MSH6: variants seen among roughly 807,000 people sequenced by gnomAD.
MSH6 encodes the protein mutS homolog 6.
In MSH6, 85 loss-of-function variants were observed where a neutral mutation model predicts 119.1. The ratio of observed to expected loss-of-function variants is 0.71; its 90% CI spans 0.60 to 0.85. MSH6 has a LOEUF of 0.85. MSH6 is among the 40% of genes least tolerant of loss of function. The probability of loss-of-function intolerance (pLI) is 0.00; values close to 1 mark genes in which losing one functional copy is unlikely to be tolerated. For synonymous variants in MSH6, 830 were observed against 586.9 expected, an observed-to-expected ratio of 1.41 and a Z score of -5.99; for missense variants, 2,163 against 1,655.3, an observed-to-expected ratio of 1.31 and a Z score of -5.32.
rs373418713 is a variant in MSH6, at chr2:47,800,139, C to G, written c.2156C>G (p.Thr719Ser). ...CCCTTGGATTCTGACACAGTCAGCACTACAAGATCTGGTGCTATCTTCACC... is the reference window on the plus strand; with the variant it reads ...CCCTTGGATTCTGACACAGTCAGCAGTACAAGATCTGGTGCTATCTTCACC... ...YIPLDSDTVS[T>S]TRSGAIFTKA... is the part of the protein sequence containing the mutation. Residue 719 changes from threonine (T) to serine (S), a missense_variant, in exon 4 of 10, where the codon ACT becomes AGT. Transcript: ENST00000234420. 2.5e-6 allele frequency: 4 copies of G among 1,614,002 alleles called. No individual in the cohort carries two copies. Among genetic ancestry groups the G allele is most frequent in the Admixed American group, 3.3e-5 (2 of 59,988 alleles).
At chr2:47,797,889 C>A in intron 3 of MSH6, 1 of 227,010 alleles carries the variant, frequency 4.4e-6, no homozygotes, top group South Asian at 7.1e-5. Flanking sequence ...GCTAGCATTC[C>A]CTTGGATTTT....
downstream of MSH6, chr2:47,809,615 T>C (rs1407638177): frequency 6.2e-7 from 1 of 1,612,284 alleles, no homozygotes; most frequent in Non-Finnish European, 8.5e-7. Context: ...ATTGTCACAT[T>C]AACACCAGAT....
chr2:47,792,092 C>A (rs1322166172), intron 2 of MSH6, among the ~76,000 whole-genome samples: 1 of 152,112 alleles, frequency 6.6e-6, no homozygotes, highest in Non-Finnish European at 1.5e-5. Context: ...GTAATCCACC[C>A]ACCTCCCCCT....
intron 1 of MSH6, 100 bp from the exon 2 acceptor site, chr2:47,790,827 A>G: frequency 9.2e-7 from 1 of 1,083,684 alleles, no homozygotes; most frequent in East Asian, 2.4e-5. Context: ...GTGCTTCAAT[A>G]TTAATGCCAG....
Position 47,803,492 on chromosome 2 carries a change from C to A in MSH6, c.3245C>A (p.Pro1082Gln), listed in dbSNP as rs191109849. The change falls in exon 5 of 10, where the codon CCG (proline) becomes CAG (glutamine). Residue 1082 changes from proline to glutamine, a missense_variant. Physicochemically the swap from Pro to Gln is moderately conservative, Grantham distance 76 (BLOSUM62 -1). Coordinates refer to ENST00000234420, the MANE Select transcript of MSH6 (RefSeq NM_000179.3). ...GPMCRPVILL[P>Q]EDTPPFLELK... ...ATGTGTCGCCCAGTAATTCTGTTGC[C>A]GGAAGATACCCCCCCCTTCTTAGAG... 1.9e-6 allele frequency: 3 copies of A among 1,613,924 alleles called. No individual in the cohort carries two copies. Among genetic ancestry groups the A allele is most frequent in the African/African-American group, 1.3e-5 (1 of 74,858 alleles).
intron 1 of MSH6, among the ~76,000 whole-genome samples, chr2:47,788,570 C>CTTTT (rs531963943): frequency 1.1e-4 from 12 of 104,886 alleles, no homozygotes; most frequent in African/African-American, 4.3e-4. Flanking sequence ...TTTTCTTTTT[C>CTTTT]TTTTTTTTTT....
At chr2:47,787,175 G>C (rs1438355694) in intron 1 of MSH6, among the ~76,000 whole-genome samples, 2 of 152,150 alleles carry the variant, frequency 1.3e-5, no homozygotes, top group Non-Finnish European at 2.9e-5. Context: ...TGTAGTCCCA[G>C]CTTCTTGGGA....
chr2:47,806,319 A>T lies in MSH6; in HGVS notation c.3762A>T (p.Glu1254Asp), dbSNP rs375459388. 44 of 1,614,156 alleles carry T rather than the reference A, an allele frequency of 2.7e-5. No homozygotes were observed. The East Asian group carries it at 4.0e-4, about 15-fold the overall frequency. Reference protein sequence around the residue: ...LFSTHYHSLVEDYSQNVAVRL... With the variant: ...LFSTHYHSLVDDYSQNVAVRL... ...CAACTCACTACCATTCATTAGTAGA[A>T]GATTATTCTCAAAATGTTGCTGTGC... Residue 1254 changes from glutamate to aspartate, a missense_variant, in exon 8 of 10, where the codon GAA becomes GAT. Physicochemically the swap from Glu to Asp is conservative, Grantham distance 45 (BLOSUM62 2). Transcript: ENST00000234420.
rs1558650142 is a variant in MSH6, at chr2:47,788,911, TTTTTTTTTTTG to T, written c.261-2005_261-1995del. Among the ~76,000 whole-genome samples the T allele has an allele frequency of 6.3e-3, 357 of 56,316 alleles. 15 individuals are homozygous for T. The highest frequency in any genetic ancestry group is 9.5e-3 in the Non-Finnish European group (247 of 25,968). 36.9% of individuals were successfully genotyped at this position (56,316 alleles called of 152,430 possible). A position where few individuals can be genotyped will look rare whatever the true frequency, so the allele number is the denominator to read the frequency against. ...TTCTTTCTTTCTTTCTTCTTCCTTT[TTTTTTTTTTTG>T]TTTTTTTTTTTTTTTTTTTTTTTTT... On this transcript the variant is annotated intron_variant, in intron 1 of 9. Coordinates refer to ENST00000234420, the MANE Select transcript of MSH6 (RefSeq NM_000179.3).
rs1294490192 is a variant in MSH6, at chr2:47,790,920, G to T, written c.261-7G>T. The stretch of plus-strand genomic sequence containing the variant: ...TAACTAAGTTATGTATTTCCTTTTG[G>T]CAACAGTTGTGACTTCTCACCAGGA... On this transcript the variant is annotated splice_region_variant and splice_polypyrimidine_tract_variant and intron_variant, in intron 1 of 9. Coordinates refer to ENST00000234420, the MANE Select transcript of MSH6 (RefSeq NM_000179.3). 1 of 1,613,872 alleles carries T rather than the reference G, an allele frequency of 6.2e-7. No individual in the cohort carries two copies. Among genetic ancestry groups the T allele is most frequent in the Non-Finnish European group, 8.5e-7 (1 of 1,179,878 alleles).
intron 6 of MSH6, among the ~76,000 whole-genome samples, chr2:47,805,354 T>C (rs939045355): frequency 6.6e-6 from 1 of 152,162 alleles, no homozygotes; most frequent in Non-Finnish European, 1.5e-5. Context: ...TAATTTTTTG[T>C]ATTTTTAGTA....
At chr2:47,795,203 A>C (rs931561272) in intron 2 of MSH6, among the ~76,000 whole-genome samples, 1 of 152,212 alleles carries the variant, frequency 6.6e-6, no homozygotes, top group African/African-American at 2.4e-5. Context: ...AAGACAGACT[A>C]AGTAGTCCTG....
chr2:47,806,394 T>A, intron 8 of MSH6, 36 bp downstream of exon 8: 1 of 1,612,336 alleles, frequency 6.2e-7, no homozygotes, highest in Non-Finnish European at 8.5e-7. Context: ...AAATTCGGTT[T>A]TTTGAGAGGG....
downstream of MSH6, chr2:47,809,909 C>CAG: frequency 1.8e-6 from 1 of 542,088 alleles, no homozygotes; most frequent in South Asian, 2.6e-5. Context: ...CTGCAATTAA[C>CAG]TTTCGCACCA....
rs1669391709 is a variant in MSH6, at chr2:47,799,892, C to G, written c.1909C>G (p.Leu637Val). ...FWDASKTLRTLLEEEYFREKL... is the reference protein window; with the variant it reads ...FWDASKTLRTVLEEEYFREKL... ...GGATGCATCCAAAACTTTGAGAACT[C>G]TCCTTGAGGAAGAATATTTTAGGGA... is the stretch of plus-strand genomic sequence containing the variant. The change falls in exon 4 of 10, where the codon CTC becomes GTC. Residue 637 changes from leucine to valine, a missense_variant. Physicochemically the swap from Leu to Val is conservative, Grantham distance 32 (BLOSUM62 1). Coordinates refer to ENST00000234420, the MANE Select transcript of MSH6 (RefSeq NM_000179.3). The G allele has an allele frequency of 4.3e-6, 7 of 1,614,144 alleles. No homozygotes were observed. The highest frequency in any genetic ancestry group is 5.1e-6 in the Non-Finnish European group (6 of 1,180,024).
chr2:47,791,140 C>A lies in MSH6; in HGVS notation c.457+17C>A, dbSNP rs1553410394. ...CATATACAGGTAAGAGTCACTACTG[C>A]CATGTGTGTGTGTTTGTGTGTGTGT... On this transcript the variant is annotated intron_variant, in intron 2 of 9. Coordinates refer to ENST00000234420, the MANE Select transcript of MSH6 (RefSeq NM_000179.3). 2 of 1,604,600 alleles carry A rather than the reference C, an allele frequency of 1.2e-6. No homozygotes were observed. Among genetic ancestry groups the A allele is most frequent in the South Asian group, 2.2e-5 (2 of 90,748 alleles).
chr2:47,800,621 G>C lies in MSH6; in HGVS notation c.2638G>C (p.Asp880His), dbSNP rs2104416344. The C allele has an allele frequency of 6.2e-7, 1 of 1,614,130 alleles. No homozygotes were observed. Among genetic ancestry groups the C allele is most frequent in the South Asian group, 1.1e-5 (1 of 91,068 alleles). Residue 880 changes from aspartate (D) to histidine (H), a missense_variant, in exon 4 of 10, where the codon GAT becomes CAT. Coordinates refer to ENST00000234420, the MANE Select transcript of MSH6 (RefSeq NM_000179.3). Reference protein sequence around the residue: ...KIIGIMEEVADGFKSKILKQV... With the variant: ...KIIGIMEEVAHGFKSKILKQV... ...TATAGGGATCATGGAAGAAGTTGCT[G>C]ATGGTTTTAAGTCTAAAATCCTTAA...
chr2:47,799,674 C>T lies in MSH6; in HGVS notation c.1691C>T (p.Ser564Leu), dbSNP rs864622153. The stretch of plus-strand genomic sequence containing the variant: ...TATGGTGTGTGCTTTGTTGATACTT[C>T]ACTGGGAAAGTTTTTCATAGGTCAG... Reference protein sequence around the residue: ...RAYGVCFVDTSLGKFFIGQFS... With the variant: ...RAYGVCFVDTLLGKFFIGQFS... Residue 564 changes from serine (S) to leucine (L), a missense_variant, in exon 4 of 10, where the codon TCA becomes TTA. Ser to Leu is a moderately radical substitution (Grantham distance 145). Transcript: ENST00000234420. 1.2e-6 allele frequency: 2 copies of T among 1,614,152 alleles called. No individual in the cohort carries two copies. The highest frequency in any genetic ancestry group is 1.3e-5 in the African/African-American group (1 of 75,024).
At chr2:47,797,195 G>C in intron 3 of MSH6, among the ~76,000 whole-genome samples, 1 of 152,156 alleles carries the variant, frequency 6.6e-6, no homozygotes, top group East Asian at 1.9e-4. Context: ...GTGTGGCCCA[G>C]GGAAGCTGAA....
Sources: allele counts gnomAD v4.1 joint callset (sites outside exome capture counted in the v4.1 genomes callset), GRCh38; gene constraint gnomAD v4.1.1; transcripts MANE v1.5; gene names NCBI Gene and HGNC (gene_info 2026-07-23, HGNC 2026-07-21).